The following ZNF528 variants were observed in gnomAD, a reference collection of about 807,000 sequenced individuals.
ZNF528 encodes the protein zinc finger protein 528.
A neutral mutation model predicts 13.3 loss-of-function variants in ZNF528; 9 were observed. That is an observed-to-expected ratio of 0.67 (90% confidence interval 0.41 to 1.18). The LOEUF (loss-of-function observed/expected upper bound fraction) is 1.18. ZNF528 is among the 50% of genes most tolerant of loss of function. The pLI, the probability that ZNF528 is intolerant of heterozygous loss-of-function variation, is 0.01. For synonymous variants in ZNF528, 264 were observed against 254.3 expected (o/e 1.04, Z -0.36); for missense variants, 858 against 745.4 (o/e 1.15, Z -1.76).
intron 2 of ZNF528, among the ~76,000 whole-genome samples, chr19:52,398,906 CAG>C (rs2058759690): frequency 6.6e-6 from 1 of 151,970 alleles, no homozygotes; most frequent in Admixed American, 6.6e-5. Context: ...AGAGTGGGGA[CAG>C]GGGTGTGTAA....
chr19:52,412,738 CT>C (rs2058947014), intron 6 of ZNF528: 1 of 151,980 alleles, frequency 6.6e-6, no homozygotes, highest in Non-Finnish European at 1.5e-5. Context: ...TTGTGAAGTC[CT>C]TTCTGTCCTG....
rs774383634 is a variant in ZNF528, at chr19:52,415,980, T to A, written c.1128T>A (p.Thr376=). ...SSLITHQLIH[T]GRKPYKCKEC... is the part of the protein sequence containing the mutation. Reference sequence around the variant, plus strand: ...TCATAACCCATCAGTTAATTCACACTGGAAGGAAACCTTACAAATGTAAAG... The same window carrying A: ...TCATAACCCATCAGTTAATTCACACAGGAAGGAAACCTTACAAATGTAAAG... Residue 376 remains threonine, a synonymous_variant, in exon 7 of 7, where the codon ACT becomes ACA. Coordinates refer to ENST00000360465, the MANE Select transcript of ZNF528 (RefSeq NM_032423.3). The A allele has an allele frequency of 6.2e-7, 1 of 1,614,122 alleles. No homozygotes were observed. Among genetic ancestry groups the A allele is most frequent in the South Asian group, 1.1e-5 (1 of 91,068 alleles).
chr19:52,408,779 C>A (rs2058891813), intron 6 of ZNF528, among the ~76,000 whole-genome samples: 1 of 152,106 alleles, frequency 6.6e-6, no homozygotes, highest in Non-Finnish European at 1.5e-5. Flanking sequence ...GTTGGCTAGG[C>A]TGGTCCCGAA....
rs762037561 is a variant in ZNF528 at position 52,416,595 on chromosome 19, A to C, written c.1743A>C (p.Glu581Asp). 2.1e-5 allele frequency: 34 copies of C among 1,614,068 alleles called. No individual in the cohort carries two copies. The highest frequency in any genetic ancestry group is 4.0e-5 in the African/African-American group (3 of 74,924). The change falls in exon 7 of 7, where the codon GAA becomes GAC. Residue 581 changes from glutamate to aspartate, a missense_variant. Glu to Asp is a conservative substitution (Grantham distance 45). Coordinates refer to ENST00000360465, the MANE Select transcript of ZNF528 (RefSeq NM_032423.3). ...HTEKKSHECKECGKIFTQKSS... is the reference protein window; with the variant it reads ...HTEKKSHECKDCGKIFTQKSS... ...AAAAGAAATCTCATGAGTGTAAAGAATGTGGCAAGATCTTCACTCAGAAGT... is the reference window on the plus strand; with the variant it reads ...AAAAGAAATCTCATGAGTGTAAAGACTGTGGCAAGATCTTCACTCAGAAGT...
At chr19:52,415,019 TC>T (rs1298706471) in intron 6 of ZNF528, 104 bp from the exon 7 acceptor site, 2 of 1,571,476 alleles carry the variant, frequency 1.3e-6, no homozygotes, top group African/African-American at 2.7e-5. Context: ...ACCCTGATAC[TC>T]CTACCAATGT....
At chr19:52,414,855 C>T in intron 6 of ZNF528, 1 of 1,171,260 alleles carries the variant, frequency 8.5e-7, no homozygotes, top group Non-Finnish European at 1.2e-6. Context: ...ATCCCTGCTT[C>T]TTCCCAGAAG....
chr19:52,406,632 G>C lies in ZNF528; in HGVS notation c.260G>C (p.Gly87Ala). Residue 87 changes from glycine to alanine, a missense_variant, in exon 6 of 7, where the codon GGT becomes GCT. Physicochemically the swap from Gly to Ala is moderately conservative, Grantham distance 60. Transcript: ENST00000360465. ...NDPDGRECIK[G>A]VNTERSSKLG... Reference sequence around the variant, plus strand: ...CCAGACGGCAGGGAGTGCATCAAAGGTGTGAACACAGGTGAGAGCTCGGGT... The same window carrying C: ...CCAGACGGCAGGGAGTGCATCAAAGCTGTGAACACAGGTGAGAGCTCGGGT... The C allele has an allele frequency of 6.2e-7, 1 of 1,612,950 alleles. No individual in the cohort carries two copies. Among genetic ancestry groups the C allele is most frequent in the East Asian group, 2.2e-5 (1 of 44,860 alleles).
At chr19:52,404,235 G>C (rs993197887) in intron 4 of ZNF528, among the ~76,000 whole-genome samples, 2 of 152,026 alleles carry the variant, frequency 1.3e-5, no homozygotes, top group African/African-American at 4.8e-5. Flanking sequence ...TTCTTCTTTT[G>C]TTTGTTTTTT....
intron 4 of ZNF528, among the ~76,000 whole-genome samples, chr19:52,403,495 A>G (rs768636613): frequency 3.7e-4 from 57 of 152,026 alleles, no homozygotes; most frequent in Non-Finnish European, 7.5e-4. Flanking sequence ...ACCCATCTCT[A>G]CTAAAAGTAG....
rs1198863745 is a variant in ZNF528, at chr19:52,406,606, T to C, written c.234T>C (p.Asp78=). The C allele has an allele frequency of 4.3e-6, 7 of 1,613,850 alleles. No homozygotes were observed. The highest frequency in any genetic ancestry group is 1.3e-5 in the African/African-American group (1 of 74,862). Residue 78 remains aspartate, a synonymous_variant, in exon 6 of 7, where the codon GAT becomes GAC. Transcript: ENST00000360465. Reference sequence around the variant, plus strand: ...AGAGTGAAGAGAAAATAGCAAACGATCCAGACGGCAGGGAGTGCATCAAAG... The same window carrying C: ...AGAGTGAAGAGAAAATAGCAAACGACCCAGACGGCAGGGAGTGCATCAAAG... ...TLQSEEKIAN[D]PDGRECIKGV...
chr19:52,402,268 A>T (rs577856005), intron 4 of ZNF528, among the ~76,000 whole-genome samples: 100 of 152,270 alleles, frequency 6.6e-4, no homozygotes, highest in African/African-American at 2.4e-3. Flanking sequence ...GCAGACATGG[A>T]TGGAGACGGG....
intron 6 of ZNF528, chr19:52,407,041 C>T (rs576213234): frequency 4.9e-6 from 1 of 203,644 alleles, no homozygotes; most frequent in African/African-American, 2.3e-5. Context: ...ACTTCCTGGG[C>T]TCAAGTGGTC....
rs905032299 is a variant in ZNF528 at position 52,402,246 on chromosome 19, G to A, written c.15+218G>A. ...GAGGCTGCACTGGGCATGGTCCGGG[G>A]GAGGGCTCTCAGCAGACATGGATGG... On this transcript the variant is annotated intron_variant, in intron 4 of 6. Coordinates refer to ENST00000360465, the MANE Select transcript of ZNF528 (RefSeq NM_032423.3). 3.9e-5 allele frequency among the ~76,000 whole-genome samples: 6 copies of A among 152,126 alleles called. No individual in the cohort carries two copies. The East Asian group carries it at 5.8e-4, about 15-fold the overall frequency.
At position 52,401,932 on chromosome 19, in the gene ZNF528, A is replaced by AT; in HGVS notation, c.-67-10dup. 6.2e-7 allele frequency: 1 copy of AT among 1,611,960 alleles called. No homozygotes were observed. The highest frequency in any genetic ancestry group is 1.1e-5 in the South Asian group (1 of 90,904). ...GTTGATTCTAAGCCCTAAGCAGCATATTTTTGACATTCAGGATTCACTTCC... is the reference window on the plus strand; with the variant it reads ...GTTGATTCTAAGCCCTAAGCAGCATATTTTTTGACATTCAGGATTCACTTCC... On this transcript the variant is annotated splice_polypyrimidine_tract_variant and intron_variant, in intron 3 of 6. Coordinates refer to ENST00000360465, the MANE Select transcript of ZNF528 (RefSeq NM_032423.3).
chr19:52,399,188 T>G (rs983094516), intron 2 of ZNF528, among the ~76,000 whole-genome samples: 4 of 151,780 alleles, frequency 2.6e-5, no homozygotes, highest in Non-Finnish European at 5.9e-5. Context: ...GAATGAGAGA[T>G]ATGTACAGAA....
intron 6 of ZNF528, 191 bp downstream of exon 6, chr19:52,406,834 G>A (rs1044636430): frequency 4.8e-6 from 3 of 625,664 alleles, no homozygotes; most frequent in Non-Finnish European, 7.2e-6. Context: ...ACTGTACCCT[G>A]CAAAGCCACA....
intron 2 of ZNF528, 107 bp from the exon 3 acceptor site, chr19:52,401,578 C>T: frequency 2.0e-6 from 2 of 983,570 alleles, no homozygotes; most frequent in Non-Finnish European, 2.7e-6. Flanking sequence ...CTTTCCTTTT[C>T]TGAGAGCGTT....
At chr19:52,405,110 G>A (rs1375678648) in intron 4 of ZNF528, among the ~76,000 whole-genome samples, 2 of 151,772 alleles carry the variant, frequency 1.3e-5, no homozygotes, top group Non-Finnish European at 2.9e-5. Context: ...CCAGCTAGTT[G>A]GGAAGCTGAG....
Position 52,416,828 on chromosome 19 carries a change from A to G in ZNF528, c.*89A>G, listed in dbSNP as rs1265996581. 9 of 1,340,232 alleles carry G rather than the reference A, an allele frequency of 6.7e-6. No homozygotes were observed. Among genetic ancestry groups the G allele is most frequent in the Non-Finnish European group, 9.1e-6 (9 of 991,656 alleles). 83.0% of individuals were successfully genotyped at this position (1,340,232 alleles called of 1,614,324 possible). A position where few individuals can be genotyped will look rare whatever the true frequency, so the allele number is the denominator to read the frequency against. ...AGTCCATACTAAGTGGAAATCATAT[A>G]AATGAAATGTATGTGACACAGGCTT... On this transcript the variant is annotated 3_prime_UTR_variant, in exon 7 of 7. Transcript: ENST00000360465.
Sources: allele counts gnomAD v4.1 joint callset (sites outside exome capture counted in the v4.1 genomes callset), GRCh38; gene constraint gnomAD v4.1.1; transcripts MANE v1.5; gene names NCBI Gene and HGNC (gene_info 2026-07-23, HGNC 2026-07-21).